EIF4ENIF1: variants seen among roughly 807,000 people sequenced by gnomAD.
EIF4ENIF1 encodes the protein eukaryotic translation initiation factor 4E nuclear import factor 1.
EIF4ENIF1 carries 23 observed loss-of-function variants against 110.5 expected under a neutral mutation model. The observed-to-expected ratio is 0.21, with a 90% CI of 0.15 to 0.29. The LOEUF is 0.29. Among genes scored for constraint, EIF4ENIF1 ranks in the 10% least tolerant of loss-of-function variants. EIF4ENIF1 has a pLI of 1.00. For missense variants in EIF4ENIF1, 1,031 were observed against 1,221.1 expected (o/e 0.84, Z 2.32); for synonymous variants, 440 against 437.0 (o/e 1.01, Z -0.09).
intron 2 of EIF4ENIF1, among the ~76,000 whole-genome samples, chr22:31,474,375 C>T (rs556868865): frequency 2.0e-5 from 3 of 152,114 alleles, no homozygotes; most frequent in African/African-American, 7.2e-5. Flanking sequence ...CCTGGTTTTT[C>T]TGTTGGTCTA....
rs759713478 is a variant in EIF4ENIF1, at chr22:31,442,040, A to G, written c.2285T>C (p.Leu762Ser). ...SPTTNSKLSA[L>S]QRSSCSTPLS... ...TGGGGTGGAACACGAAGACCTCTGT[A>G]ATGCTGACAGTTTGGAATTTGTAGT... Residue 762 changes from leucine to serine, a missense_variant, in exon 17 of 19, where the codon TTA becomes TCA. Physicochemically the swap from Leu to Ser is moderately radical, Grantham distance 145 (BLOSUM62 -2). Around this residue, in one of 3 missense-constraint regions of EIF4ENIF1, gnomAD observed 309 missense variants for 299.1 expected, o/e 1.03. Transcript: ENST00000330125. 58 of 1,614,032 alleles carry G rather than the reference A, an allele frequency of 3.6e-5. No homozygotes were observed. The highest frequency in any genetic ancestry group is 4.4e-5 in the Non-Finnish European group (52 of 1,180,030).
At chr22:31,444,395 A>G in intron 15 of EIF4ENIF1, 1 of 510,066 alleles carries the variant, frequency 2.0e-6, no homozygotes, top group Non-Finnish European at 3.6e-6. Flanking sequence ...GCTGGAACAT[A>G]TTTTCCCCAA....
chr22:31,441,550 GAAAA>G (rs771597260), intron 17 of EIF4ENIF1, among the ~76,000 whole-genome samples: 4 of 65,252 alleles, frequency 6.1e-5, no homozygotes, highest in African/African-American at 1.2e-4. Context: ...CTACAAAAAG[GAAAA>G]AAAAAAAAAA....
chr22:31,488,647 G>A lies in EIF4ENIF1; in HGVS notation c.72C>T (p.Ser24=). The A allele has an allele frequency of 1.2e-6, 2 of 1,614,040 alleles. No individual in the cohort carries two copies. Among genetic ancestry groups the A allele is most frequent in the Non-Finnish European group, 8.5e-7 (1 of 1,179,998 alleles). Residue 24 remains serine, a synonymous_variant, in exon 2 of 19, where the codon TCC becomes TCT. Coordinates refer to ENST00000330125, the MANE Select transcript of EIF4ENIF1 (RefSeq NM_019843.4). ...CTTTTGTATAGCGATGGGGGCATTT[G>A]GAGGCAGGAGGCTTCTTCAGGTCAA... ...AFLDLKKPPA[S]KCPHRYTKEE...
At chr22:31,488,478 G>A in intron 2 of EIF4ENIF1, 145 bp downstream of exon 2, 1 of 1,279,734 alleles carries the variant, frequency 7.8e-7, no homozygotes, top group Non-Finnish European at 1.1e-6. Flanking sequence ...AATGTTCAAA[G>A]TAATGCACTA....
At chr22:31,455,791 T>C (rs1252896072) in intron 8 of EIF4ENIF1, 61 bp downstream of exon 8, 1 of 1,601,756 alleles carries the variant, frequency 6.2e-7, no homozygotes, top group East Asian at 2.2e-5. Flanking sequence ...GAAGATAAAA[T>C]GAACCATATC....
intron 10 of EIF4ENIF1, chr22:31,450,691 C>T (rs1387329390): frequency 3.2e-6 from 1 of 308,942 alleles, no homozygotes. Flanking sequence ...ACTCTTGCTA[C>T]CCATTACCTT....
Position 31,453,415 on chromosome 22 carries a change from C to T in EIF4ENIF1, c.1512+729G>A, listed in dbSNP as rs535722184. On this transcript the variant is annotated intron_variant, in intron 10 of 18. Transcript: ENST00000330125. The stretch of plus-strand genomic sequence containing the variant: ...TTTTGGAGACAGTCTCACTCTGTTG[C>T]CCAGCCTGGAGTGCAGTGGCGTGAC... The T allele has an allele frequency of 5.4e-4, 203 of 376,812 alleles. 2 individuals carry two copies. Among genetic ancestry groups the T allele is most frequent in the Middle Eastern group, 5.4e-3 (7 of 1,306 alleles). The allele number at this position is 376,812 out of a possible 1,614,324, so 23.3% of individuals were successfully genotyped here.
At chr22:31,450,831 C>CAT (rs139052348) in intron 10 of EIF4ENIF1, 38 of 151,854 alleles carry the variant, frequency 2.5e-4, no homozygotes, top group African/African-American at 8.3e-4. Flanking sequence ...TACATACACA[C>CAT]ATATATATAT....
At chr22:31,448,412 A>G (rs1252931030) in intron 12 of EIF4ENIF1, among the ~76,000 whole-genome samples, 180 bp from the exon 13 acceptor site, 2 of 152,210 alleles carry the variant, frequency 1.3e-5, no homozygotes. Context: ...CCTCAACCAG[A>G]GCACTGTCCA....
Position 31,468,154 on chromosome 22 carries a change from T to C in EIF4ENIF1, c.298+21A>G. On this transcript the variant is annotated intron_variant, in intron 4 of 18. Transcript: ENST00000330125. The stretch of plus-strand genomic sequence containing the variant: ...TGTCCCCAAAATCACTAACCCCACT[T>C]CTGAGTGACTGTGTGCTCACCTACT... 8 of 1,610,440 alleles carry C rather than the reference T, an allele frequency of 5.0e-6. 1 individual carries two copies. In the East Asian group the frequency reaches 1.8e-4, roughly 36 times the overall value.
At chr22:31,465,117 AG>A (rs2051140237) in intron 4 of EIF4ENIF1, among the ~76,000 whole-genome samples, 1 of 152,078 alleles carries the variant, frequency 6.6e-6, no homozygotes, top group Non-Finnish European at 1.5e-5. Context: ...TGAGGTTAGG[AG>A]TTCGAGACTA....
chr22:31,440,257 A>T (rs889222514), intron 18 of EIF4ENIF1, 136 bp from the exon 19 acceptor site: 1 of 1,272,682 alleles, frequency 7.9e-7, no homozygotes, highest in African/African-American at 1.5e-5. Flanking sequence ...CTCCTTTGCA[A>T]AATACCAACA....
chr22:31,456,047 A>C (rs2145953526), intron 7 of EIF4ENIF1, 60 bp from the exon 8 acceptor site: 1 of 1,563,744 alleles, frequency 6.4e-7, no homozygotes, highest in Non-Finnish European at 8.7e-7. Flanking sequence ...AGAAGGTTTA[A>C]ATCTTATGAA....
chr22:31,473,083 CTA>C (rs1255518330), intron 2 of EIF4ENIF1, among the ~76,000 whole-genome samples: 1 of 136,598 alleles, frequency 7.3e-6, no homozygotes, highest in African/African-American at 2.8e-5. Context: ...TTTTTTTTGA[CTA>C]GAGAGTAAAT....
downstream of EIF4ENIF1, chr22:31,437,768 C>G (rs1364279297): frequency 6.6e-6 from 1 of 152,146 alleles, no homozygotes; most frequent in Non-Finnish European, 1.5e-5. Flanking sequence ...GAACTGGATT[C>G]AGGTGTCTGT....
chr22:31,457,817 T>A (rs1055651091), intron 7 of EIF4ENIF1, among the ~76,000 whole-genome samples: 1 of 152,234 alleles, frequency 6.6e-6, no homozygotes, highest in Non-Finnish European at 1.5e-5. Context: ...TAATGCTGAC[T>A]TTTAAGTGCA....
intron 17 of EIF4ENIF1, among the ~76,000 whole-genome samples, chr22:31,441,126 G>A (rs2050281218): frequency 6.6e-6 from 1 of 152,174 alleles, no homozygotes; most frequent in African/African-American, 2.4e-5. Context: ...GTAGTGGCAG[G>A]CGCCTGTAAT....
In EIF4ENIF1 at chr22:31,439,823, G is replaced by C; in HGVS notation, c.*57C>G. ...CCATAAACCAACCCGAGATGAAGCA[G>C]GGTCCTGCCCAGTGTGCCACCACAG... On this transcript the variant is annotated 3_prime_UTR_variant, in exon 19 of 19. Coordinates refer to ENST00000330125, the MANE Select transcript of EIF4ENIF1 (RefSeq NM_019843.4). 3 of 1,588,480 alleles carry C rather than the reference G, an allele frequency of 1.9e-6. No homozygotes were observed. Among genetic ancestry groups the C allele is most frequent in the Non-Finnish European group, 2.6e-6 (3 of 1,173,950 alleles).
Sources: gnomAD v4.1 joint callset for allele counts (sites outside exome capture counted in the v4.1 genomes callset) on GRCh38, gnomAD v4.1.1 for gene constraint, gnomAD v4.1.1 regional missense constraint, MANE v1.5 for transcripts, NCBI Gene and HGNC (gene_info 2026-07-23, HGNC 2026-07-21) for gene names.